HLCS: variants seen among roughly 807,000 people sequenced by gnomAD.
HLCS encodes the protein biotin--protein ligase.
In HLCS, 53 loss-of-function variants were observed where a neutral mutation model predicts 75.0. That is an observed-to-expected ratio of 0.71 (90% CI 0.57 to 0.89). The LOEUF is 0.89. Among genes scored for constraint, HLCS ranks in the 40% least tolerant of loss-of-function variants. The pLI, the probability that HLCS is intolerant of heterozygous loss-of-function variation, is 0.00. For missense variants in HLCS, 966 were observed against 1,074.0 expected, an observed-to-expected ratio of 0.90 and a Z score of 1.41; for synonymous variants, 431 against 428.6, an observed-to-expected ratio of 1.01 and a Z score of -0.07.
intron 6 of HLCS, among the ~76,000 whole-genome samples, chr21:36,777,285 G>C (rs148959803): frequency 6.6e-6 from 1 of 152,004 alleles, no homozygotes; most frequent in African/African-American, 2.4e-5. Flanking sequence ...GGCAACCACC[G>C]GTATTTTTAC....
chr21:36,840,724 C>A, intron 6 of HLCS, among the ~76,000 whole-genome samples: 1 of 152,124 alleles, frequency 6.6e-6, no homozygotes, highest in East Asian at 1.9e-4. Context: ...GAGATTCTGC[C>A]GCCTCAGCCT....
At chr21:36,872,197 C>A (rs975575279) in intron 6 of HLCS, among the ~76,000 whole-genome samples, 3 of 151,980 alleles carry the variant, frequency 2.0e-5, no homozygotes, top group Non-Finnish European at 4.4e-5. Context: ...CTGAGGCGGG[C>A]GGATCACAAG....
intron 4 of HLCS, among the ~76,000 whole-genome samples, chr21:36,933,411 C>T (rs952328794): frequency 1.3e-5 from 2 of 151,808 alleles, no homozygotes; most frequent in Admixed American, 6.6e-5. Flanking sequence ...ATTAGCCGGG[C>T]CTGATAGCGC....
At chr21:36,866,155 G>GT (rs11464249) in intron 6 of HLCS, among the ~76,000 whole-genome samples, 152,308 of 152,308 alleles carry the variant, frequency 1, 76,154 homozygotes, top group Non-Finnish European at 1. Flanking sequence ...GACCAAATTA[G>GT]TTGGTTAGTA....
chr21:36,963,359 G>GT (rs1221327841), intron 1 of HLCS, among the ~76,000 whole-genome samples: 2 of 152,310 alleles, frequency 1.3e-5, no homozygotes, highest in South Asian at 4.1e-4. Flanking sequence ...CTGCATATCA[G>GT]TTCAAATCTG....
At chr21:36,762,828 G>A (rs562556896) in intron 8 of HLCS, among the ~76,000 whole-genome samples, 5 of 152,084 alleles carry the variant, frequency 3.3e-5, no homozygotes, top group African/African-American at 1.2e-4. Context: ...AGCGCCTGGC[G>A]CACGCAGCCT....
At chr21:36,813,474 G>A (rs952326391) in intron 6 of HLCS, among the ~76,000 whole-genome samples, 7 of 152,192 alleles carry the variant, frequency 4.6e-5, no homozygotes, top group African/African-American at 1.7e-4. Flanking sequence ...GGGATCATGG[G>A]AGAAAGGAAA....
In HLCS at chr21:36,836,158, T is replaced by C. The variant is rs978134369; in HGVS notation, c.1892+60702A>G. 2.6e-5 allele frequency among the ~76,000 whole-genome samples: 4 copies of C among 151,748 alleles called. No homozygotes were observed. In the East Asian group the frequency reaches 7.8e-4, roughly 29 times the overall value. On this transcript the variant is annotated intron_variant, in intron 6 of 10. Coordinates refer to ENST00000674895, the MANE Select transcript of HLCS (RefSeq NM_001352514.2). Reference sequence around the variant, plus strand: ...CCTAGTCACTGTGACAAAACTATTCTGGAACACGGCCCCACTTACACAGCT... The same window carrying C: ...CCTAGTCACTGTGACAAAACTATTCCGGAACACGGCCCCACTTACACAGCT...
At chr21:36,973,474 T>A (rs2068850493) in intron 1 of HLCS, 1 of 152,162 alleles carries the variant, frequency 6.6e-6, no homozygotes, top group Non-Finnish European at 1.5e-5. Context: ...AAGACCTTCA[T>A]GAGAATTGGT....
chr21:36,801,536 C>G (rs532505060), intron 6 of HLCS, among the ~76,000 whole-genome samples: 1 of 152,348 alleles, frequency 6.6e-6, no homozygotes, highest in East Asian at 1.9e-4. Flanking sequence ...TTGCAAGGCA[C>G]ATGCCCATCC....
chr21:36,864,015 T>C (rs551335607), intron 6 of HLCS, among the ~76,000 whole-genome samples: 10 of 152,344 alleles, frequency 6.6e-5, no homozygotes, highest in African/African-American at 2.4e-4. Flanking sequence ...GGGATCAATA[T>C]TGACATTTAA....
chr21:36,938,990 A>C lies in HLCS; in HGVS notation c.335T>G (p.Val112Gly). 1 of 1,606,136 alleles carries C rather than the reference A, an allele frequency of 6.2e-7. No homozygotes were observed. Among genetic ancestry groups the C allele is most frequent in the Non-Finnish European group, 8.5e-7 (1 of 1,179,162 alleles). The change falls in exon 3 of 11, where the codon GTC becomes GGC. Residue 112 changes from valine to glycine, a missense_variant. Physicochemically the swap from Val to Gly is moderately radical, Grantham distance 109. Coordinates refer to ENST00000674895, the MANE Select transcript of HLCS (RefSeq NM_001352514.2). Reference protein sequence around the residue: ...LQRSSSSETIVKWSDCCLPLA... With the variant: ...LQRSSSSETIGKWSDCCLPLA... Reference sequence around the variant, plus strand: ...TGGCAAACAACAGTCTGACCACTTGACAATCTGAGAAAAAGCAGGAGAGGG... The same window carrying C: ...TGGCAAACAACAGTCTGACCACTTGCCAATCTGAGAAAAAGCAGGAGAGGG...
At chr21:36,984,873 GT>G (rs11429336) in intron 1 of HLCS, among the ~76,000 whole-genome samples, 16,612 of 143,288 alleles carry the variant, frequency 0.12, 1,571 homozygotes, top group African/African-American at 0.27. Context: ...TCTTTTTCTT[GT>G]TTTTTTTTTT....
At chr21:36,938,695 A>AG in intron 3 of HLCS, 137 bp downstream of exon 3, 1 of 812,488 alleles carries the variant, frequency 1.2e-6, no homozygotes, top group East Asian at 2.6e-5. Flanking sequence ...TTTTGGAGAT[A>AG]GGGGTCTATG....
chr21:36,956,709 A>G (rs565957413), intron 2 of HLCS, among the ~76,000 whole-genome samples: 11 of 152,260 alleles, frequency 7.2e-5, no homozygotes, highest in East Asian at 1.9e-4. Flanking sequence ...TAGCCTAGGC[A>G]ACAGAGCGAG....
intron 6 of HLCS, among the ~76,000 whole-genome samples, chr21:36,811,607 A>C (rs940672251): frequency 3.9e-4 from 60 of 152,340 alleles, no homozygotes; most frequent in African/African-American, 1.3e-3. Flanking sequence ...GGCAGATGGC[A>C]CAGTTTGCTT....
At chr21:36,934,124 G>A (rs2066772025) in intron 4 of HLCS, among the ~76,000 whole-genome samples, 1 of 152,192 alleles carries the variant, frequency 6.6e-6, no homozygotes, top group African/African-American at 2.4e-5. Context: ...CGTCCACAGA[G>A]GTACTGGACT....
chr21:36,758,167 A>G (rs1363107801), intron 9 of HLCS, among the ~76,000 whole-genome samples: 2 of 151,924 alleles, frequency 1.3e-5, no homozygotes, highest in African/African-American at 4.8e-5. Flanking sequence ...AGTGCAGTGG[A>G]GCCCTCATAG....
intron 2 of HLCS, among the ~76,000 whole-genome samples, chr21:36,946,961 A>C (rs1031133715): frequency 2.0e-5 from 3 of 152,208 alleles, no homozygotes; most frequent in Non-Finnish European, 2.9e-5. Flanking sequence ...CAGTTCAGGA[A>C]GATGAGAAGA....
Sources: gnomAD v4.1 joint callset for allele counts (sites outside exome capture counted in the v4.1 genomes callset) on GRCh38, gnomAD v4.1.1 for gene constraint, MANE v1.5 for transcripts, NCBI Gene and HGNC (gene_info 2026-07-23, HGNC 2026-07-21) for gene names.